Variants in CDKAL1 observed in about 807,000 individuals in gnomAD.
CDKAL1 encodes the protein threonylcarbamoyladenosine tRNA methylthiotransferase.
In CDKAL1, 32 loss-of-function variants were observed where a neutral mutation model predicts 68.2. The observed-to-expected ratio is 0.47, with a 90% CI of 0.35 to 0.63. CDKAL1 has a LOEUF of 0.63. Among genes scored for constraint, CDKAL1 ranks in the 30% least tolerant of loss-of-function variants. The pLI is 0.00. For missense variants in CDKAL1, 606 were observed against 696.7 expected, an observed-to-expected ratio of 0.87 and a Z score of 1.47; for synonymous variants, 234 against 244.3, an observed-to-expected ratio of 0.96 and a Z score of 0.39.
At chr6:20,666,740 T>A (rs1221446440) in intron 5 of CDKAL1, among the ~76,000 whole-genome samples, 1 of 151,958 alleles carries the variant, frequency 6.6e-6, no homozygotes, top group East Asian at 1.9e-4. Context: ...TTACCTTTTA[T>A]TGAACTGTTT....
chr6:20,733,845 A>C (rs4712538), intron 5 of CDKAL1, among the ~76,000 whole-genome samples: 36,297 of 152,088 alleles, frequency 0.24, 5,054 homozygotes, highest in Non-Finnish European at 0.32. Flanking sequence ...TTATTATGCT[A>C]TGAATTTTAA....
chr6:21,194,641 G>A (rs751577942), intron 13 of CDKAL1, among the ~76,000 whole-genome samples: 2 of 152,196 alleles, frequency 1.3e-5, no homozygotes, highest in Non-Finnish European at 2.9e-5. Flanking sequence ...TGTTATGTGA[G>A]GGTCTTTAAC....
At chr6:21,017,591 G>C (rs1226896743) in intron 11 of CDKAL1, among the ~76,000 whole-genome samples, 3 of 152,170 alleles carry the variant, frequency 2.0e-5, no homozygotes, top group Admixed American at 2.0e-4. Context: ...GCACCATATA[G>C]TTTAAGGCAA....
chr6:21,110,806 TA>T (rs965877625), intron 13 of CDKAL1, among the ~76,000 whole-genome samples: 1 of 151,854 alleles, frequency 6.6e-6, no homozygotes, highest in African/African-American at 2.4e-5. Context: ...TTAAAAAAAA[TA>T]AAAATTAAAA....
intron 8 of CDKAL1, among the ~76,000 whole-genome samples, chr6:20,823,906 A>G (rs1367236521): frequency 6.6e-6 from 1 of 152,164 alleles, no homozygotes; most frequent in Non-Finnish European, 1.5e-5. Context: ...TGTGAAAATA[A>G]TAATAAAAGC....
chr6:20,963,976 C>T (rs1462006733), intron 10 of CDKAL1, among the ~76,000 whole-genome samples: 1 of 151,880 alleles, frequency 6.6e-6, no homozygotes, highest in Non-Finnish European at 1.5e-5. Flanking sequence ...ATAAAACAAC[C>T]CCATTAAAAA....
At chr6:20,675,449 A>G (rs1219332620) in intron 5 of CDKAL1, among the ~76,000 whole-genome samples, 2 of 152,198 alleles carry the variant, frequency 1.3e-5, no homozygotes, top group African/African-American at 4.8e-5. Context: ...GAAATTACCC[A>G]TATCATCTTG....
Position 21,086,563 on chromosome 6 carries a change from G to C in CDKAL1, c.1236+21335G>C, listed in dbSNP as rs963442013. Among the ~76,000 whole-genome samples the C allele has an allele frequency of 4.6e-5, 7 of 152,158 alleles. 1 individual carries two copies. Among genetic ancestry groups the C allele is most frequent in the African/African-American group, 1.7e-4 (7 of 41,442 alleles). On this transcript the variant is annotated intron_variant, in intron 12 of 15. Coordinates refer to ENST00000274695, the MANE Select transcript of CDKAL1 (RefSeq NM_017774.3). ...GCCATAGGCGAACACCGAAGTCCTGGCTGTTAAAAGGGGCATCTGTAGATG... is the reference window on the plus strand; with the variant it reads ...GCCATAGGCGAACACCGAAGTCCTGCCTGTTAAAAGGGGCATCTGTAGATG...
At chr6:20,540,484 C>T (rs1318229865) in intron 2 of CDKAL1, among the ~76,000 whole-genome samples, 1 of 149,786 alleles carries the variant, frequency 6.7e-6, no homozygotes, top group Non-Finnish European at 1.5e-5. Context: ...GATGGTGCTT[C>T]GCCCTTTGTC....
At chr6:20,652,371 G>A (rs930893959) in intron 5 of CDKAL1, among the ~76,000 whole-genome samples, 1 of 152,086 alleles carries the variant, frequency 6.6e-6, no homozygotes, top group Non-Finnish European at 1.5e-5. Flanking sequence ...GGCTTTCAAC[G>A]GAATTGCACT....
rs544908742 is a variant in CDKAL1 at position 20,649,212 on chromosome 6, G to A, written c.287-81G>A. ...CTCCACTGTTTTTCTCTCCCCTACCGCAGCAATCCCAGTGCCACTGGATAT... is the reference window on the plus strand; with the variant it reads ...CTCCACTGTTTTTCTCTCCCCTACCACAGCAATCCCAGTGCCACTGGATAT... On this transcript the variant is annotated intron_variant, in intron 4 of 15. Coordinates refer to ENST00000274695, the MANE Select transcript of CDKAL1 (RefSeq NM_017774.3). The A allele has an allele frequency of 1.7e-3, 1,518 of 892,622 alleles. 37 individuals carry two copies. The South Asian group carries it at 0.021, about 12-fold the overall frequency. 55.3% of individuals were successfully genotyped at this position (892,622 alleles called of 1,614,324 possible). A position where few individuals can be genotyped will look rare whatever the true frequency, so the allele number is the denominator to read the frequency against.
intron 13 of CDKAL1, among the ~76,000 whole-genome samples, chr6:21,123,787 C>T (rs956801931): frequency 3.3e-5 from 5 of 152,302 alleles, no homozygotes; most frequent in Admixed American, 6.5e-5. Flanking sequence ...AAGATAAGGT[C>T]CAAACCTGAA....
At position 20,781,194 on chromosome 6, in the gene CDKAL1, T is replaced by TG; in HGVS notation, c.572dup (p.Ala192SerfsTer9). ...AGAAAAAGGATAATGGAAGGCGGCTTGGGGGAGCACGATTGGATTTGCCGA... is the reference window on the plus strand; with the variant it reads ...AGAAAAAGGATAATGGAAGGCGGCTTGGGGGGAGCACGATTGGATTTGCCGA... On this transcript the variant is annotated frameshift_variant, in exon 8 of 16. Coordinates refer to ENST00000274695, the MANE Select transcript of CDKAL1 (RefSeq NM_017774.3). LOFTEE classifies it high-confidence loss of function. 1 of 1,613,926 alleles carries TG rather than the reference T, an allele frequency of 6.2e-7. No homozygotes were observed. Among genetic ancestry groups the TG allele is most frequent in the Non-Finnish European group, 8.5e-7 (1 of 1,179,886 alleles).
chr6:20,688,210 GT>G (rs761475224), intron 5 of CDKAL1, among the ~76,000 whole-genome samples: 1 of 151,302 alleles, frequency 6.6e-6, no homozygotes, highest in Admixed American at 6.6e-5. Flanking sequence ...CATAGGTATA[GT>G]TTTTTTGGTT....
intron 11 of CDKAL1, among the ~76,000 whole-genome samples, chr6:21,050,816 G>C (rs569319247): frequency 3.9e-5 from 6 of 152,296 alleles, no homozygotes; most frequent in African/African-American, 1.4e-4. Context: ...CTGTCTTCCA[G>C]CTTGGAGGTG....
intron 11 of CDKAL1, among the ~76,000 whole-genome samples, chr6:21,041,602 C>G (rs374547076): frequency 7.2e-6 from 1 of 138,052 alleles, no homozygotes; most frequent in Non-Finnish European, 1.6e-5. Flanking sequence ...CTCTGAAAAT[C>G]TTTTTTTTTT....
intron 13 of CDKAL1, among the ~76,000 whole-genome samples, chr6:21,183,006 A>T (rs1467842570): frequency 6.6e-6 from 1 of 152,214 alleles, no homozygotes; most frequent in African/African-American, 2.4e-5. Context: ...TTGCCTTGCA[A>T]TCTAAAATTC....
At chr6:20,803,328 A>T (rs974249078) in intron 8 of CDKAL1, among the ~76,000 whole-genome samples, 2 of 152,136 alleles carry the variant, frequency 1.3e-5, no homozygotes, top group Non-Finnish European at 2.9e-5. Flanking sequence ...ACCATTCTGT[A>T]ACATGTGTTA....
chr6:20,551,791 C>T (rs1763842474), intron 4 of CDKAL1, among the ~76,000 whole-genome samples: 2 of 152,080 alleles, frequency 1.3e-5, no homozygotes, highest in Admixed American at 6.5e-5. Flanking sequence ...AGAATTACTT[C>T]TCTATATTCA....
Sources: allele counts gnomAD v4.1 joint callset (sites outside exome capture counted in the v4.1 genomes callset), GRCh38; gene constraint gnomAD v4.1.1; transcripts MANE v1.5; gene names NCBI Gene and HGNC (gene_info 2026-07-23, HGNC 2026-07-21).